RAB3C: variants seen among roughly 807,000 people sequenced by gnomAD.
RAB3C encodes the protein RAB3C, member RAS oncogene family.
A neutral mutation model predicts 26.4 loss-of-function variants in RAB3C; 17 were observed. The ratio of observed to expected loss-of-function variants is 0.64; its 90% confidence interval spans 0.44 to 0.97. The LOEUF is 0.97. Among genes scored for constraint, RAB3C ranks in the 50% least tolerant of loss-of-function variants. RAB3C has a pLI of 0.00. For missense variants in RAB3C, 242 were observed against 281.9 expected, an observed-to-expected ratio of 0.86 and a Z score of 1.01; for synonymous variants, 91 against 95.9, an observed-to-expected ratio of 0.95 and a Z score of 0.30.
rs114020298 is a variant in RAB3C at position 58,764,272 on chromosome 5, C to T, written c.371+38152C>T. Among the ~76,000 whole-genome samples the T allele has an allele frequency of 4.0e-3, 608 of 150,372 alleles. 3 individuals are homozygous for T. Among genetic ancestry groups the T allele is most frequent in the African/African-American group, 0.014 (569 of 41,122 alleles). ...ACCTGAGCATGTTTCTTAATCTAGC[C>T]TCCATTCCTTGTGCCCACGGCTATG... On this transcript the variant is annotated intron_variant, in intron 3 of 4. Coordinates refer to ENST00000282878, the MANE Select transcript of RAB3C (RefSeq NM_138453.4).
intron 2 of RAB3C, among the ~76,000 whole-genome samples, chr5:58,706,576 G>T (rs1315440929): frequency 2.0e-5 from 3 of 152,054 alleles, no homozygotes; most frequent in South Asian, 2.1e-4. Flanking sequence ...CCACAGACTT[G>T]CAGTAACTTA....
chr5:58,797,339 C>CAAAAAAAAAAA (rs1206716376), intron 3 of RAB3C, among the ~76,000 whole-genome samples: 3 of 12,754 alleles, frequency 2.4e-4, no homozygotes, highest in African/African-American at 6.4e-4. Context: ...CCCTGGAAGA[C>CAAAAAAAAAAA]AAAAAAAAAA....
At chr5:58,721,164 C>T (rs1320244270) in intron 2 of RAB3C, among the ~76,000 whole-genome samples, 1 of 147,526 alleles carries the variant, frequency 6.8e-6, no homozygotes, top group Non-Finnish European at 1.5e-5. Flanking sequence ...ATTTGTTAAT[C>T]AAACTTGCCA....
chr5:58,741,393 C>A (rs962485153), intron 3 of RAB3C, among the ~76,000 whole-genome samples: 2 of 152,170 alleles, frequency 1.3e-5, no homozygotes, highest in Non-Finnish European at 2.9e-5. Flanking sequence ...GCTCAAAGTC[C>A]CAACCATCTC....
chr5:58,829,847 C>T (rs1006964827), intron 4 of RAB3C, among the ~76,000 whole-genome samples: 2 of 152,156 alleles, frequency 1.3e-5, no homozygotes, highest in Non-Finnish European at 2.9e-5. Context: ...TGCCATTTTA[C>T]CAAGCTCTAT....
At chr5:58,845,612 A>ATATATATATATATATATATTTGTGTGTG in intron 4 of RAB3C, among the ~76,000 whole-genome samples, 1 of 81,744 alleles carries the variant, frequency 1.2e-5, no homozygotes, top group Non-Finnish European at 2.4e-5. Context: ...ATATATATAT[A>ATATATATATATATATATATTTGTGTGTG]TGTGTGTGTG....
chr5:58,642,226 C>G (rs1049626055), intron 2 of RAB3C, among the ~76,000 whole-genome samples: 1 of 152,172 alleles, frequency 6.6e-6, no homozygotes, highest in Non-Finnish European at 1.5e-5. Flanking sequence ...CCAAGTGAGA[C>G]TTAAGCAATC....
intron 3 of RAB3C, among the ~76,000 whole-genome samples, chr5:58,812,024 A>G (rs1426368494): frequency 1.3e-5 from 2 of 152,180 alleles, no homozygotes; most frequent in African/African-American, 4.8e-5. Context: ...CTTGAAGGCT[A>G]CTGACTTTCT....
intron 4 of RAB3C, among the ~76,000 whole-genome samples, chr5:58,829,553 A>T (rs911367370): frequency 1.3e-5 from 2 of 152,220 alleles, no homozygotes; most frequent in Admixed American, 6.5e-5. Flanking sequence ...CCAAAAATGT[A>T]GTCAGAGAAC....
intron 4 of RAB3C, among the ~76,000 whole-genome samples, chr5:58,830,982 C>G (rs1343275377): frequency 6.6e-6 from 1 of 152,058 alleles, no homozygotes; most frequent in Non-Finnish European, 1.5e-5. Flanking sequence ...CTCAAGCAAT[C>G]TTCCCATCCA....
intron 3 of RAB3C, among the ~76,000 whole-genome samples, chr5:58,792,195 T>A (rs539699000): frequency 1.3e-5 from 2 of 152,380 alleles, no homozygotes; most frequent in East Asian, 3.9e-4. Context: ...CTTATTATAA[T>A]AATTTAGCAT....
chr5:58,688,576 A>C (rs1748495031), intron 2 of RAB3C, among the ~76,000 whole-genome samples: 1 of 152,112 alleles, frequency 6.6e-6, no homozygotes, highest in Non-Finnish European at 1.5e-5. Flanking sequence ...TTAGCTCCTC[A>C]ACTCTCCTAA....
intron 2 of RAB3C, among the ~76,000 whole-genome samples, chr5:58,705,395 A>G (rs1164984478): frequency 1.3e-5 from 2 of 152,172 alleles, no homozygotes; most frequent in Non-Finnish European, 2.9e-5. Context: ...GAGTTTTGCA[A>G]TACTGTTATT....
At position 58,700,034 on chromosome 5, in the gene RAB3C, C is replaced by T. The variant is rs537697950; in HGVS notation, c.253-25968C>T. On this transcript the variant is annotated intron_variant, in intron 2 of 4. Coordinates refer to ENST00000282878, the MANE Select transcript of RAB3C (RefSeq NM_138453.4). ...CTCAGTTGGAAATGCAGAAATCACCCATCTTCTCTGTAGATCATGCTGGGA... is the reference window on the plus strand; with the variant it reads ...CTCAGTTGGAAATGCAGAAATCACCTATCTTCTCTGTAGATCATGCTGGGA... Among the ~76,000 whole-genome samples, 4 of 152,288 alleles carry T rather than the reference C, an allele frequency of 2.6e-5. No individual in the cohort carries two copies. In the South Asian group the frequency reaches 8.3e-4, roughly 32 times the overall value.
At chr5:58,593,553 T>C (rs933691835) in intron 1 of RAB3C, among the ~76,000 whole-genome samples, 2 of 152,198 alleles carry the variant, frequency 1.3e-5, no homozygotes, top group African/African-American at 4.8e-5. Flanking sequence ...TTTTATGTGT[T>C]TTTCAAATTA....
At chr5:58,601,402 T>A (rs1455137624) in intron 1 of RAB3C, among the ~76,000 whole-genome samples, 1 of 152,168 alleles carries the variant, frequency 6.6e-6, no homozygotes, top group African/African-American at 2.4e-5. Context: ...TCTTGTGGAA[T>A]AGTATCAAAA....
At position 58,766,048 on chromosome 5, in the gene RAB3C, T is replaced by C. The variant is rs146882508; in HGVS notation, c.371+39928T>C. On this transcript the variant is annotated intron_variant, in intron 3 of 4. Coordinates refer to ENST00000282878, the MANE Select transcript of RAB3C (RefSeq NM_138453.4). ...TCCTCCGCATGATGCTCCCCAGCCATGCTTGCTGTATGGCTTGTGGAACTG... is the reference window on the plus strand; with the variant it reads ...TCCTCCGCATGATGCTCCCCAGCCACGCTTGCTGTATGGCTTGTGGAACTG... Among the ~76,000 whole-genome samples the C allele has an allele frequency of 5.6e-3, 849 of 152,262 alleles. 4 individuals are homozygous for C. The Middle Eastern group carries it at 0.061, about 11-fold the overall frequency.
At chr5:58,758,216 T>C (rs1384816398) in intron 3 of RAB3C, among the ~76,000 whole-genome samples, 2 of 152,206 alleles carry the variant, frequency 1.3e-5, no homozygotes, top group Non-Finnish European at 2.9e-5. Flanking sequence ...AGTGCTGGGA[T>C]TACAGACGTG....
intron 2 of RAB3C, among the ~76,000 whole-genome samples, chr5:58,717,882 G>A (rs1269245336): frequency 1.3e-5 from 2 of 152,050 alleles, no homozygotes; most frequent in Non-Finnish European, 2.9e-5. Context: ...ACTATTCAAT[G>A]AGCCCAATCG....
Sources: allele counts gnomAD v4.1 joint callset (sites outside exome capture counted in the v4.1 genomes callset), GRCh38; gene constraint gnomAD v4.1.1; transcripts MANE v1.5; gene names NCBI Gene and HGNC (gene_info 2026-07-23, HGNC 2026-07-21).